Variants in RNF150 observed in about 807,000 individuals in gnomAD.
RNF150 encodes ring finger protein 150.
In RNF150, 24 loss-of-function variants were observed where a neutral mutation model predicts 39.3. The observed-to-expected ratio is 0.61, with a 90% CI of 0.44 to 0.86. The LOEUF (loss-of-function observed/expected upper bound fraction) is 0.86. RNF150 is among the 40% of genes least tolerant of loss of function. RNF150 has a pLI of 0.00. For missense variants in RNF150, 502 were observed against 587.8 expected, an observed-to-expected ratio of 0.85 and a Z score of 1.51; for synonymous variants, 255 against 227.3, an observed-to-expected ratio of 1.12 and a Z score of -1.10.
chr4:140,879,506 T>A (rs1224794076), intron 6 of RNF150, among the ~76,000 whole-genome samples: 4 of 152,238 alleles, frequency 2.6e-5, no homozygotes, highest in Middle Eastern at 3.2e-3. Flanking sequence ...GGAACTGTTT[T>A]CTTAATTTCC....
At chr4:141,095,799 G>C (rs1344225937) in intron 1 of RNF150, among the ~76,000 whole-genome samples, 1 of 152,154 alleles carries the variant, frequency 6.6e-6, no homozygotes, top group Non-Finnish European at 1.5e-5. Context: ...CTGGGAAGGG[G>C]AGAAAAATAT....
intron 1 of RNF150, among the ~76,000 whole-genome samples, chr4:141,094,713 T>A (rs1738711066): frequency 6.6e-6 from 1 of 152,224 alleles, no homozygotes. Flanking sequence ...TAAGGACATT[T>A]TAACAAAGAC....
Position 140,868,374 on chromosome 4 carries a change from G to C in RNF150, c.1204C>G (p.Gln402Glu), listed in dbSNP as rs1365993024. 2 of 1,598,686 alleles carry C rather than the reference G, an allele frequency of 1.3e-6. No homozygotes were observed. Among genetic ancestry groups the C allele is most frequent in the Admixed American group, 3.3e-5 (2 of 59,968 alleles). Reference protein sequence around the residue: ...GDVIFTTNSEQEPAVSSDSDI... With the variant: ...GDVIFTTNSEEEPAVSSDSDI... ...GAATCACTGCTTACAGCTGGCTCCT[G>C]CTCACCTGGGAGGAGAAAGCAAAGT... is the stretch of plus-strand genomic sequence containing the variant. Residue 402 changes from glutamine to glutamate, a missense_variant, in exon 7 of 7, where the codon CAG becomes GAG. By Grantham distance (29) the Gln-to-Glu change is conservative. Coordinates refer to ENST00000515673, the MANE Select transcript of RNF150 (RefSeq NM_020724.2).
At chr4:141,181,696 CAATT>C (rs1283727613) in intron 1 of RNF150, among the ~76,000 whole-genome samples, 2 of 152,208 alleles carry the variant, frequency 1.3e-5, no homozygotes, top group African/African-American at 4.8e-5. Context: ...AGACTGTGCT[CAATT>C]AAACAGAGTT....
rs1728934977 is a variant in RNF150 at position 140,871,419 on chromosome 4, G to A, written c.1199-3040C>T. 2.0e-5 allele frequency among the ~76,000 whole-genome samples: 3 copies of A among 152,116 alleles called. No homozygotes were observed. The South Asian group carries it at 6.2e-4, about 31-fold the overall frequency. Reference sequence around the variant, plus strand: ...TTAGTACAAGTATACACGAATGGGAGAATTCCCACTTGGAGGTGTAATGAA... The same window carrying A: ...TTAGTACAAGTATACACGAATGGGAAAATTCCCACTTGGAGGTGTAATGAA... On this transcript the variant is annotated intron_variant, in intron 6 of 6. Transcript: ENST00000515673.
intron 1 of RNF150, among the ~76,000 whole-genome samples, chr4:141,086,397 C>G (rs976278146): frequency 1.3e-5 from 2 of 152,012 alleles, no homozygotes; most frequent in Non-Finnish European, 2.9e-5. Flanking sequence ...TAGTGGAATA[C>G]CCCTGTTAAT....
chr4:140,988,499 T>A (rs1051306085), intron 1 of RNF150, among the ~76,000 whole-genome samples: 3 of 151,966 alleles, frequency 2.0e-5, no homozygotes, highest in African/African-American at 4.8e-5. Flanking sequence ...ATATATATAT[T>A]TTATTATACT....
chr4:141,088,678 T>TACACACACAC (rs60239559), intron 1 of RNF150, among the ~76,000 whole-genome samples: 6,827 of 146,548 alleles, frequency 0.047, 195 homozygotes, highest in South Asian at 0.073. Flanking sequence ...ACTTTGCTTT[T>TACACACACAC]ACACACACAC....
intron 6 of RNF150, among the ~76,000 whole-genome samples, chr4:140,909,598 T>TTAAG (rs1452767905): frequency 6.6e-6 from 1 of 152,052 alleles, no homozygotes; most frequent in African/African-American, 2.4e-5. Flanking sequence ...ATATACAGGG[T>TTAAG]TAAGTAAAAA....
At chr4:141,020,696 C>T (rs1280424419) in intron 1 of RNF150, among the ~76,000 whole-genome samples, 4 of 152,172 alleles carry the variant, frequency 2.6e-5, no homozygotes, top group Non-Finnish European at 4.4e-5. Flanking sequence ...CCTACTTCCT[C>T]AGCTCAGTCT....
chr4:141,064,447 A>G (rs1392489548), intron 1 of RNF150, among the ~76,000 whole-genome samples: 2 of 152,098 alleles, frequency 1.3e-5, no homozygotes, highest in Non-Finnish European at 2.9e-5. Flanking sequence ...CCATTACAAT[A>G]AAGCTAATCA....
chr4:140,939,525 G>A (rs1270540175), intron 4 of RNF150, among the ~76,000 whole-genome samples: 3 of 151,986 alleles, frequency 2.0e-5, no homozygotes, highest in East Asian at 1.9e-4. Flanking sequence ...TTCTGAGACC[G>A]GGTTGTGAAA....
At chr4:140,957,613 C>A (rs1197967310) in intron 2 of RNF150, among the ~76,000 whole-genome samples, 2 of 151,914 alleles carry the variant, frequency 1.3e-5, no homozygotes, top group Non-Finnish European at 2.9e-5. Flanking sequence ...ATGTTTATTG[C>A]GGCATTATTC....
At chr4:140,905,780 C>G (rs1485726973) in intron 6 of RNF150, among the ~76,000 whole-genome samples, 1 of 136,906 alleles carries the variant, frequency 7.3e-6, no homozygotes, top group Non-Finnish European at 1.6e-5. Flanking sequence ...CTGCCTGCAA[C>G]CTTGAGAGGA....
intron 1 of RNF150, among the ~76,000 whole-genome samples, chr4:140,971,595 G>T (rs1733467885): frequency 6.6e-6 from 1 of 152,118 alleles, no homozygotes; most frequent in South Asian, 2.1e-4. Flanking sequence ...TACAGTCAGG[G>T]AGAAAATGTG....
At chr4:140,917,849 C>T (rs1368016833) in intron 5 of RNF150, among the ~76,000 whole-genome samples, 1 of 151,704 alleles carries the variant, frequency 6.6e-6, no homozygotes, top group East Asian at 1.9e-4. Context: ...GTCTCTCAGA[C>T]CACAGTGCAA....
At chr4:140,971,353 C>G (rs898158852) in intron 1 of RNF150, among the ~76,000 whole-genome samples, 5 of 151,990 alleles carry the variant, frequency 3.3e-5, no homozygotes, top group Non-Finnish European at 7.4e-5. Flanking sequence ...GTAGCTACTA[C>G]GCATCTATGA....
chr4:141,038,973 T>C (rs1157932612), intron 1 of RNF150, among the ~76,000 whole-genome samples: 3 of 151,944 alleles, frequency 2.0e-5, no homozygotes. Flanking sequence ...GAAGGTCTAA[T>C]GTGGCTGATA....
intron 6 of RNF150, among the ~76,000 whole-genome samples, chr4:140,886,827 C>T (rs927904777): frequency 6.6e-6 from 1 of 152,138 alleles, no homozygotes; most frequent in East Asian, 1.9e-4. Context: ...AACATATCAA[C>T]TTTGTCAATG....
Sources: allele counts gnomAD v4.1 joint callset (sites outside exome capture counted in the v4.1 genomes callset), GRCh38; gene constraint gnomAD v4.1.1; transcripts MANE v1.5; gene names NCBI Gene and HGNC (gene_info 2026-07-23, HGNC 2026-07-21).